SLC36A2: variants seen among roughly 807,000 people sequenced by gnomAD.
The protein encoded by SLC36A2 is solute carrier family 36 member 2.
Under a neutral mutation model 42.7 loss-of-function variants are expected in SLC36A2, and 39 were observed. The ratio of observed to expected loss-of-function variants is 0.91; its 90% CI spans 0.71 to 1.19. The LOEUF (loss-of-function observed/expected upper bound fraction) is 1.19, where lower values mean the gene tolerates loss of function less well. Ranked by LOEUF, SLC36A2 falls within the 50% of genes most tolerant of loss-of-function variation. The probability of loss-of-function intolerance (pLI) is 0.00; values close to 1 mark genes in which losing one functional copy is unlikely to be tolerated. For synonymous variants in SLC36A2, 237 were observed against 240.8 expected, an observed-to-expected ratio of 0.98 and a Z score of 0.15; for missense variants, 590 against 613.7, an observed-to-expected ratio of 0.96 and a Z score of 0.41.
At chr5:151,329,560 A>G (rs1231368420) in intron 7 of SLC36A2, among the ~76,000 whole-genome samples, 3 of 152,238 alleles carry the variant, frequency 2.0e-5, no homozygotes, top group Non-Finnish European at 2.9e-5. Context: ...GGAGAACGCT[A>G]TTAAAATAAA....
chr5:151,333,584 G>C (rs548454556), intron 6 of SLC36A2, among the ~76,000 whole-genome samples: 22 of 152,290 alleles, frequency 1.4e-4, no homozygotes, highest in African/African-American at 4.8e-4. Flanking sequence ...CTCCAAAAGG[G>C]CCGGGTGCAG....
intron 7 of SLC36A2, 107 bp from the exon 8 acceptor site, chr5:151,325,559 A>C: frequency 8.5e-7 from 1 of 1,177,812 alleles, no homozygotes; most frequent in Non-Finnish European, 1.2e-6. Flanking sequence ...GCAGGGCCTC[A>C]AAGAGATATT....
At position 151,347,475 on chromosome 5, in the gene SLC36A2, CAAG is replaced by C; in HGVS notation, c.-18_-16del. The C allele has an allele frequency of 6.2e-7, 1 of 1,613,312 alleles. No individual in the cohort carries two copies. The highest frequency in any genetic ancestry group is 8.5e-7 in the Non-Finnish European group (1 of 1,179,974). On this transcript the variant is annotated 5_prime_UTR_variant, in exon 1 of 10. Transcript: ENST00000335244. ...GTCACAGACATGACTGCTTAAGAAA[CAAG>C]GAGCTCGGGGTGACAAAGAGGTCTG...
chr5:151,343,688 C>G (rs1756414209), intron 2 of SLC36A2, 90 bp from the exon 3 acceptor site: 4 of 1,186,342 alleles, frequency 3.4e-6, no homozygotes, highest in Non-Finnish European at 5.0e-6. Context: ...GTGCTGATAT[C>G]ATGCAGAACT....
chr5:151,335,162 G>A (rs1316448571), intron 6 of SLC36A2, among the ~76,000 whole-genome samples, 167 bp downstream of exon 6: 1 of 152,134 alleles, frequency 6.6e-6, no homozygotes, highest in Non-Finnish European at 1.5e-5. Flanking sequence ...TCAGAAGAAT[G>A]GGACTGCACG....
At chr5:151,318,512 AT>A (rs1200235174) in intron 9 of SLC36A2, among the ~76,000 whole-genome samples, 3 of 104,344 alleles carry the variant, frequency 2.9e-5, no homozygotes, top group Admixed American at 8.4e-5. Flanking sequence ...AAAATAAATA[AT>A]AAATAAAAAT....
rs144651323 is a variant in SLC36A2 at position 151,316,877 on chromosome 5, G to A, written c.1392C>T (p.Asp464=). The part of the protein sequence containing the change: ...GFVVGTYQAL[D]ELLKSEDSHP... ...GAGAGTCTTCTGACTTGAGCAGCTC[G>A]TCCAGGGCCTGGTAGGTCCCCACCA... Residue 464 remains aspartate, a synonymous_variant, in exon 10 of 10, where the codon GAC becomes GAT. Coordinates refer to ENST00000335244, the MANE Select transcript of SLC36A2 (RefSeq NM_181776.3). The A allele has an allele frequency of 7.6e-4, 1,224 of 1,613,962 alleles. No individual in the cohort carries two copies. The highest frequency in any genetic ancestry group is 9.8e-4 in the Non-Finnish European group (1,159 of 1,180,018).
At chr5:151,321,874 C>T in intron 9 of SLC36A2, 172 bp downstream of exon 9, 1 of 704,814 alleles carries the variant, frequency 1.4e-6, no homozygotes, top group South Asian at 1.6e-5. Flanking sequence ...GACAGGGTTT[C>T]ACCATTTTGG....
intron 1 of SLC36A2, among the ~76,000 whole-genome samples, chr5:151,344,978 C>G (rs193551): frequency 0.65 from 99,119 of 151,878 alleles, 33,202 homozygotes; most frequent in East Asian, 0.99. Flanking sequence ...GATTTCTTTT[C>G]TCAGCCCAGG....
chr5:151,329,842 C>T (rs1224488340), intron 7 of SLC36A2, among the ~76,000 whole-genome samples: 4 of 152,032 alleles, frequency 2.6e-5, no homozygotes, highest in Admixed American at 6.6e-5. Context: ...GGGTTTGAAC[C>T]GCGCAGGCCC....
intron 7 of SLC36A2, chr5:151,332,331 A>T: frequency 2.3e-6 from 1 of 435,292 alleles, no homozygotes; most frequent in Middle Eastern, 3.5e-4. Context: ...AATTAAAAAT[A>T]AGCAAAGGAC....
chr5:151,344,452 T>TTTTA (rs1756438563), intron 1 of SLC36A2, among the ~76,000 whole-genome samples, 185 bp from the exon 2 acceptor site: 1 of 152,220 alleles, frequency 6.6e-6, no homozygotes, highest in African/African-American at 2.4e-5. Flanking sequence ...CCCAGAACTG[T>TTTTA]CCTGGTTTTA....
intron 4 of SLC36A2, 87 bp from the exon 5 acceptor site, chr5:151,339,231 TC>T: frequency 9.9e-7 from 1 of 1,009,938 alleles, no homozygotes; most frequent in Non-Finnish European, 1.5e-6. Flanking sequence ...TGCCCTCTGT[TC>T]CCAGGGATTG....
intron 4 of SLC36A2, among the ~76,000 whole-genome samples, chr5:151,339,928 C>T (rs559951671): frequency 6.6e-6 from 1 of 152,054 alleles, no homozygotes; most frequent in Non-Finnish European, 1.5e-5. Flanking sequence ...CATTAAGGGC[C>T]ATGGTGAAAA....
intron 7 of SLC36A2, among the ~76,000 whole-genome samples, chr5:151,327,053 G>T (rs1175985802): frequency 1.3e-5 from 2 of 152,148 alleles, no homozygotes; most frequent in East Asian, 3.9e-4. Context: ...GGGCTCAAGC[G>T]ATCCTCCCAC....
chr5:151,345,456 G>T (rs776249600), intron 1 of SLC36A2, among the ~76,000 whole-genome samples: 19 of 152,138 alleles, frequency 1.2e-4, no homozygotes, highest in Non-Finnish European at 2.2e-4. Flanking sequence ...GAATCTATGG[G>T]CAGAGGCTCA....
chr5:151,335,604 G>T, intron 5 of SLC36A2, 57 bp from the exon 6 acceptor site: 1 of 1,244,306 alleles, frequency 8.0e-7, no homozygotes, highest in Non-Finnish European at 1.2e-6. Context: ...TAACCTCATG[G>T]TTGACTCAGT....
At chr5:151,319,035 T>C (rs979649315) in intron 9 of SLC36A2, 2 of 395,532 alleles carry the variant, frequency 5.1e-6, no homozygotes, top group African/African-American at 4.4e-5. Context: ...CTTGCCCAAG[T>C]CCCACCCCTT....
intron 1 of SLC36A2, 114 bp from the exon 2 acceptor site, chr5:151,344,381 T>G: frequency 1.2e-6 from 1 of 863,856 alleles, no homozygotes; most frequent in Non-Finnish European, 1.9e-6. Context: ...CATCTCTCAG[T>G]CCATGAGTCC....
Sources: gnomAD v4.1 joint callset for allele counts (sites outside exome capture counted in the v4.1 genomes callset) on GRCh38, gnomAD v4.1.1 for gene constraint, MANE v1.5 for transcripts, NCBI Gene and HGNC (gene_info 2026-07-23, HGNC 2026-07-21) for gene names.